The following PAX3 variants were observed in gnomAD, a reference collection of about 807,000 sequenced individuals.
PAX3 encodes the protein paired box protein Pax-3.
In PAX3, 14 loss-of-function variants were observed where a neutral mutation model predicts 51.6. That is an observed-to-expected ratio of 0.27 (90% confidence interval 0.18 to 0.42). PAX3 has a LOEUF of 0.42. PAX3 is among the 10% of genes least tolerant of loss of function. PAX3 has a pLI of 1.00. For missense variants in PAX3, 540 were observed against 642.8 expected, an observed-to-expected ratio of 0.84 and a Z score of 1.73; for synonymous variants, 280 against 253.4, an observed-to-expected ratio of 1.11 and a Z score of -1.00.
intron 4 of PAX3, among the ~76,000 whole-genome samples, chr2:222,269,918 A>T (rs146749015): frequency 6.6e-6 from 1 of 152,370 alleles, no homozygotes; most frequent in Non-Finnish European, 1.5e-5. Flanking sequence ...TTAAACACTT[A>T]ATTCTTTTAG....
At chr2:222,280,206 T>C (rs1264250401) in intron 4 of PAX3, among the ~76,000 whole-genome samples, 1 of 148,416 alleles carries the variant, frequency 6.7e-6, no homozygotes, top group Non-Finnish European at 1.5e-5. Context: ...AGTGAAACTC[T>C]GTCAGGAAGA....
chr2:222,229,631 C>G (rs975026782), intron 5 of PAX3, among the ~76,000 whole-genome samples: 1 of 152,152 alleles, frequency 6.6e-6, no homozygotes, highest in Non-Finnish European at 1.5e-5. Flanking sequence ...GCTCACTGGC[C>G]TGAAACCCAA....
chr2:222,206,729 A>G (rs1691525521), intron 7 of PAX3, among the ~76,000 whole-genome samples: 1 of 152,222 alleles, frequency 6.6e-6, no homozygotes, highest in Non-Finnish European at 1.5e-5. Flanking sequence ...TAAATAAAAA[A>G]GATAAAAACT....
chr2:222,298,488 C>T lies in PAX3; in HGVS notation c.85+43G>A, dbSNP rs1212365113. 4 of 1,524,752 alleles carry T rather than the reference C, an allele frequency of 2.6e-6. No homozygotes were observed. In the African/African-American group the frequency reaches 5.5e-5, roughly 21 times the overall value. The allele number at this position is 1,524,752 out of a possible 1,614,324, so 94.5% of individuals were successfully genotyped here. ...TGGGGATGGGGTGAGGCAGCCGGTC[C>T]CAGGCCCTGGGATCCAGGCGGCGCG... On this transcript the variant is annotated intron_variant, in intron 1 of 8. Coordinates refer to ENST00000392070, the MANE Select transcript of PAX3 (RefSeq NM_181458.4).
chr2:222,239,879 G>A (rs571188173), intron 4 of PAX3, among the ~76,000 whole-genome samples: 2 of 151,912 alleles, frequency 1.3e-5, no homozygotes, highest in Non-Finnish European at 1.5e-5. Context: ...TTGAGCAAAG[G>A]TTCTTTCAAG....
chr2:222,235,327 G>A (rs915753669), intron 4 of PAX3, among the ~76,000 whole-genome samples: 1 of 152,060 alleles, frequency 6.6e-6, no homozygotes, highest in African/African-American at 2.4e-5. Flanking sequence ...CACTCAATAA[G>A]GACACGTTGA....
chr2:222,214,443 G>A (rs1691873223), intron 7 of PAX3: 1 of 152,054 alleles, frequency 6.6e-6, no homozygotes, highest in African/African-American at 2.4e-5. Context: ...TGGATGGGTG[G>A]TAGAGTTAAA....
chr2:222,298,655 G>T lies in PAX3; in HGVS notation c.-40C>A. 6.4e-7 allele frequency: 1 copy of T among 1,557,432 alleles called. No individual in the cohort carries two copies. Among genetic ancestry groups the T allele is most frequent in the Non-Finnish European group, 8.7e-7 (1 of 1,145,924 alleles). ...CGCTCGGAAATTATATCCAGGTGAA[G>T]GCGAAACGGAAAGGCGAGTGCGGCG... On this transcript the variant is annotated 5_prime_UTR_variant, in exon 1 of 9. Coordinates refer to ENST00000392070, the MANE Select transcript of PAX3 (RefSeq NM_181458.4).
intron 4 of PAX3, among the ~76,000 whole-genome samples, chr2:222,250,360 T>G (rs1250493356): frequency 2.0e-5 from 3 of 152,194 alleles, no homozygotes; most frequent in African/African-American, 7.2e-5. Context: ...ATTCAAGATT[T>G]TAGCCAGCAT....
intron 3 of PAX3, among the ~76,000 whole-genome samples, chr2:222,294,983 C>A (rs1695216536): frequency 6.6e-6 from 1 of 152,000 alleles, no homozygotes; most frequent in Admixed American, 6.6e-5. Context: ...AGGGAGTTTC[C>A]TTTTAATTAA....
In PAX3 at chr2:222,217,267, G is replaced by A. The variant is rs1475328972; in HGVS notation, c.1173+2873C>T. 6.6e-5 allele frequency among the ~76,000 whole-genome samples: 10 copies of A among 152,214 alleles called. No individual in the cohort carries two copies. In the East Asian group the frequency reaches 1.9e-3, roughly 29 times the overall value. ...ATGAGGAGAAGATAGAAGATTAATG[G>A]AAATTAAACTTAGCAAAAAGAGCAT... On this transcript the variant is annotated intron_variant, in intron 7 of 8. Coordinates refer to ENST00000392070, the MANE Select transcript of PAX3 (RefSeq NM_181458.4).
intron 3 of PAX3, among the ~76,000 whole-genome samples, chr2:222,295,223 A>T (rs1427606967): frequency 6.6e-6 from 1 of 152,144 alleles, no homozygotes; most frequent in Non-Finnish European, 1.5e-5. Flanking sequence ...TCTCTTTAAA[A>T]GGGAACATCA....
At chr2:222,238,049 T>G (rs1218154885) in intron 4 of PAX3, among the ~76,000 whole-genome samples, 1 of 152,204 alleles carries the variant, frequency 6.6e-6, no homozygotes, top group Non-Finnish European at 1.5e-5. Flanking sequence ...TTAGTTATCC[T>G]AATCATCTCA....
chr2:222,263,863 T>C (rs1181726358), intron 4 of PAX3: 1 of 152,222 alleles, frequency 6.6e-6, no homozygotes, highest in Non-Finnish European at 1.5e-5. Context: ...GTAATTACAC[T>C]GATTGAAATA....
intron 4 of PAX3, among the ~76,000 whole-genome samples, chr2:222,235,270 G>A (rs973168729): frequency 1.3e-5 from 2 of 152,138 alleles, no homozygotes; most frequent in Non-Finnish European, 2.9e-5. Context: ...TGAGCTCAAA[G>A]CCCTTCTCTG....
intron 4 of PAX3, among the ~76,000 whole-genome samples, chr2:222,238,556 A>G (rs1459445079): frequency 6.6e-6 from 1 of 152,200 alleles, no homozygotes; most frequent in African/African-American, 2.4e-5. Flanking sequence ...TTTAAATTCT[A>G]TGTTTGCCCT....
chr2:222,254,865 C>T (rs995978784), intron 4 of PAX3, among the ~76,000 whole-genome samples: 9 of 152,136 alleles, frequency 5.9e-5, no homozygotes, highest in African/African-American at 1.4e-4. Flanking sequence ...TCACTGCAAC[C>T]TCCGCCTCCT....
At chr2:222,291,193 G>A (rs1695024329) in intron 4 of PAX3, among the ~76,000 whole-genome samples, 2 of 152,200 alleles carry the variant, frequency 1.3e-5, no homozygotes, top group South Asian at 4.1e-4. Context: ...GCGCAGGGCG[G>A]TGCCCACAGC....
chr2:222,221,704 A>G (rs1296305946), intron 5 of PAX3: 1 of 356,352 alleles, frequency 2.8e-6, no homozygotes, highest in Non-Finnish European at 5.4e-6. Context: ...CTCAACATCC[A>G]CCCACCTACG....
Sources: gnomAD v4.1 joint callset for allele counts (sites outside exome capture counted in the v4.1 genomes callset) on GRCh38, gnomAD v4.1.1 for gene constraint, MANE v1.5 for transcripts, NCBI Gene and HGNC (gene_info 2026-07-23, HGNC 2026-07-21) for gene names.